Variants in RIMS2 observed in about 807,000 individuals in gnomAD.
RIMS2 encodes the protein regulating synaptic membrane exocytosis 2.
A neutral mutation model predicts 174.4 loss-of-function variants in RIMS2; 59 were observed. The ratio of observed to expected loss-of-function variants is 0.34; its 90% confidence interval spans 0.27 to 0.42. RIMS2 has a LOEUF of 0.42. RIMS2 is among the 10% of genes least tolerant of loss of function. The probability of loss-of-function intolerance (pLI) is 1.00; values close to 1 mark genes in which losing one functional copy is unlikely to be tolerated. For missense variants in RIMS2, 1,620 were observed against 1,666.3 expected (o/e 0.97, Z 0.48); for synonymous variants, 606 against 572.5 (o/e 1.06, Z -0.84).
chr8:104,085,697 G>A (rs964681819), intron 19 of RIMS2, among the ~76,000 whole-genome samples: 1 of 152,158 alleles, frequency 6.6e-6, no homozygotes, highest in African/African-American at 2.4e-5. Flanking sequence ...AAATGACTAA[G>A]TAATATTTCT....
chr8:104,194,961 G>T (rs1231048612), intron 19 of RIMS2, among the ~76,000 whole-genome samples: 1 of 152,170 alleles, frequency 6.6e-6, no homozygotes, highest in Admixed American at 6.5e-5. Context: ...GAAACAAGAA[G>T]AAGCAACAGA....
At chr8:104,077,411 G>A (rs993457781) in intron 19 of RIMS2, among the ~76,000 whole-genome samples, 1 of 151,664 alleles carries the variant, frequency 6.6e-6, no homozygotes, top group African/African-American at 2.4e-5. Flanking sequence ...AACAGGTGGG[G>A]AGAAAAGGAT....
chr8:103,747,110 A>G (rs1390496067), intron 2 of RIMS2, among the ~76,000 whole-genome samples: 7 of 150,740 alleles, frequency 4.6e-5, no homozygotes, highest in African/African-American at 1.7e-4. Flanking sequence ...TTATTATTAT[A>G]CTTTAAGTTT....
intron 1 of RIMS2, among the ~76,000 whole-genome samples, chr8:103,632,294 G>A (rs1424424726): frequency 6.6e-6 from 1 of 152,104 alleles, no homozygotes; most frequent in Non-Finnish European, 1.5e-5. Flanking sequence ...TTTAAGGTGT[G>A]CTCCTTCATT....
rs78914724 is a variant in RIMS2 at position 104,249,265 on chromosome 8, A to C, written c.3590-222A>C. Among the ~76,000 whole-genome samples, 21 of 152,190 alleles carry C rather than the reference A, an allele frequency of 1.4e-4. No homozygotes were observed. In the East Asian group the frequency reaches 2.5e-3, roughly 18 times the overall value. On this transcript the variant is annotated intron_variant, in intron 21 of 23. Coordinates refer to ENST00000504942, the Ensembl canonical transcript of RIMS2. ...ATCTTTAACAATATTATCAGCAGGA[A>C]TCAAGACCTTAGATTTTAAGAATAA...
chr8:103,925,503 G>A (rs1565348194), intron 10 of RIMS2, among the ~76,000 whole-genome samples: 1 of 151,324 alleles, frequency 6.6e-6, no homozygotes, highest in Admixed American at 6.6e-5. Context: ...TGTATGAAAG[G>A]AATGTTCTAA....
At chr8:103,839,789 C>G (rs547300759) in intron 3 of RIMS2, among the ~76,000 whole-genome samples, 1 of 152,234 alleles carries the variant, frequency 6.6e-6, no homozygotes, top group African/African-American at 2.4e-5. Flanking sequence ...TTCTAGCTGC[C>G]AAGACCATAC....
chr8:103,603,891 G>T (rs1235965560), intron 1 of RIMS2, among the ~76,000 whole-genome samples: 6 of 147,898 alleles, frequency 4.1e-5, no homozygotes, highest in African/African-American at 1.5e-4. Flanking sequence ...GTAGATTCTG[G>T]ATATTAGCCC....
chr8:104,170,358 G>T (rs1313168155), intron 19 of RIMS2, among the ~76,000 whole-genome samples: 1 of 151,954 alleles, frequency 6.6e-6, no homozygotes, highest in Non-Finnish European at 1.5e-5. Flanking sequence ...CCAGCATTAG[G>T]TGCATATAAA....
chr8:104,074,941 T>C (rs2097262145), intron 19 of RIMS2, among the ~76,000 whole-genome samples: 1 of 152,148 alleles, frequency 6.6e-6, no homozygotes, highest in Non-Finnish European at 1.5e-5. Flanking sequence ...TAGATAGCCT[T>C]ATATATATTA....
chr8:103,978,868 G>A (rs562481176), intron 16 of RIMS2, among the ~76,000 whole-genome samples: 5 of 152,186 alleles, frequency 3.3e-5, no homozygotes, highest in South Asian at 2.1e-4. Context: ...GCTATATTTT[G>A]TATATATATC....
intron 3 of RIMS2, among the ~76,000 whole-genome samples, chr8:103,785,444 A>G (rs1266332984): frequency 6.6e-6 from 1 of 152,048 alleles, no homozygotes; most frequent in Admixed American, 6.6e-5. Flanking sequence ...GATACATCCC[A>G]TCAATACCTA....
At chr8:103,602,763 A>T (rs1169559535) in intron 1 of RIMS2, among the ~76,000 whole-genome samples, 1 of 152,222 alleles carries the variant, frequency 6.6e-6, no homozygotes, top group African/African-American at 2.4e-5. Context: ...TGCAATGACC[A>T]TACACAAGTA....
At chr8:103,854,902 TCA>T (rs2154494462) in intron 3 of RIMS2, among the ~76,000 whole-genome samples, 1 of 152,234 alleles carries the variant, frequency 6.6e-6, no homozygotes, top group Non-Finnish European at 1.5e-5. Flanking sequence ...GAGGAGCCTC[TCA>T]CTTCTTTGTA....
At chr8:103,964,318 C>T (rs1237759154) in intron 15 of RIMS2, among the ~76,000 whole-genome samples, 1 of 152,210 alleles carries the variant, frequency 6.6e-6, no homozygotes, top group Non-Finnish European at 1.5e-5. Context: ...TGTTGTTCCA[C>T]ATCTTGCCAG....
At chr8:103,877,249 A>C (rs2099145833) in intron 3 of RIMS2, among the ~76,000 whole-genome samples, 1 of 151,492 alleles carries the variant, frequency 6.6e-6, no homozygotes, top group Non-Finnish European at 1.5e-5. Context: ...TTCTTGCAGG[A>C]GTAAGGTGGT....
chr8:104,135,981 T>A (rs1359005333), intron 19 of RIMS2, among the ~76,000 whole-genome samples: 7 of 152,184 alleles, frequency 4.6e-5, no homozygotes, highest in Non-Finnish European at 1.0e-4. Flanking sequence ...TTTTATACAA[T>A]ATGGAAACTG....
chr8:103,657,836 T>C (rs2096549761), intron 1 of RIMS2, among the ~76,000 whole-genome samples: 1 of 152,202 alleles, frequency 6.6e-6, no homozygotes, highest in South Asian at 2.1e-4. Context: ...TGAGCCCTGA[T>C]TACTTGGTTT....
intron 2 of RIMS2, among the ~76,000 whole-genome samples, chr8:103,703,988 C>A (rs575588232): frequency 5.3e-5 from 8 of 151,932 alleles, no homozygotes; most frequent in African/African-American, 1.7e-4. Context: ...ATTTCTGTTG[C>A]CTAATTGCTT....
Sources: gnomAD v4.1 joint callset for allele counts (sites outside exome capture counted in the v4.1 genomes callset) on GRCh38, gnomAD v4.1.1 for gene constraint, MANE v1.5 for transcripts, NCBI Gene and HGNC (gene_info 2026-07-23, HGNC 2026-07-21) for gene names.